Variants in MSMO1 observed in about 807,000 individuals in gnomAD.
MSMO1 encodes C-4 methylsterol oxidase.
A neutral mutation model predicts 30.4 loss-of-function variants in MSMO1; 18 were observed. That is an observed-to-expected ratio of 0.59 (90% CI 0.41 to 0.88). The LOEUF (loss-of-function observed/expected upper bound fraction) is 0.88, where lower values mean the gene tolerates loss of function less well. Ranked by LOEUF, MSMO1 falls within the 40% of genes least tolerant of loss-of-function variation. MSMO1 has a pLI of 0.00. For missense variants in MSMO1, 284 were observed against 340.5 expected (o/e 0.83, Z 1.31); for synonymous variants, 84 against 107.9 (o/e 0.78, Z 1.37).
intron 5 of MSMO1, 39 bp from the exon 6 acceptor site, chr4:165,341,711 TG>T: frequency 6.7e-7 from 1 of 1,503,460 alleles, no homozygotes; most frequent in South Asian, 1.1e-5. Flanking sequence ...TCATTTGAGA[TG>T]TATTTATTCC....
intron 1 of MSMO1, among the ~76,000 whole-genome samples, chr4:165,332,310 A>G (rs1205648731): frequency 5.3e-5 from 8 of 152,212 alleles, no homozygotes; most frequent in African/African-American, 1.9e-4. Context: ...ACATCTTTCT[A>G]TGTAGAGCGT....
At position 165,338,122 on chromosome 4, in the gene MSMO1, T is replaced by G. The variant is rs535194906; in HGVS notation, c.404+185T>G. ...TTCCATTTTTACATCTTTTAAATATTTTATTGGAAGGTGAGCTTCTAGTAT... is the reference window on the plus strand; with the variant it reads ...TTCCATTTTTACATCTTTTAAATATGTTATTGGAAGGTGAGCTTCTAGTAT... On this transcript the variant is annotated intron_variant, in intron 3 of 5. Coordinates refer to ENST00000261507, the MANE Select transcript of MSMO1 (RefSeq NM_006745.5). 2.0e-5 allele frequency among the ~76,000 whole-genome samples: 3 copies of G among 152,250 alleles called. No individual in the cohort carries two copies. In the South Asian group the frequency reaches 6.2e-4, roughly 32 times the overall value.
At chr4:165,338,893 A>G (rs188560110) in intron 4 of MSMO1, 115 bp downstream of exon 4, 1 of 818,976 alleles carries the variant, frequency 1.2e-6, no homozygotes, top group African/African-American at 1.7e-5. Flanking sequence ...CTTTGGCATG[A>G]TTATTAAGAA....
intron 1 of MSMO1, among the ~76,000 whole-genome samples, chr4:165,329,671 G>C (rs1158765284): frequency 4.5e-5 from 5 of 110,702 alleles, no homozygotes; most frequent in African/African-American, 1.5e-4. Context: ...GTCTCACTCT[G>C]TCGCCCAGGC....
chr4:165,331,994 C>T (rs1747406441), intron 1 of MSMO1, among the ~76,000 whole-genome samples: 1 of 151,396 alleles, frequency 6.6e-6, no homozygotes, highest in Non-Finnish European at 1.5e-5. Context: ...TAACACTGTC[C>T]CCTACTCCAC....
Position 165,331,413 on chromosome 4 carries a change from A to G in MSMO1, c.-31-1927A>G. ...GATGGGAAAGGATAAGTGATGGACA[A>G]GTTCTTGAGGTAAGATAAGAACACA... On this transcript the variant is annotated intron_variant, in intron 1 of 5. Transcript: ENST00000261507. Among the ~76,000 whole-genome samples, 2 of 152,216 alleles carry G rather than the reference A, an allele frequency of 1.3e-5. 1 individual carries two copies. Among genetic ancestry groups the G allele is most frequent in the Non-Finnish European group, 2.9e-5 (2 of 68,040 alleles).
Position 165,338,651 on chromosome 4 carries a change from G to A in MSMO1, c.405-1G>A. ...CACATTACAACATTTTTATCTTAAA[G>A]GTATTTTCTTTTGGCAAGATGCTTT... On this transcript the variant is annotated splice_acceptor_variant, in intron 3 of 5. Coordinates refer to ENST00000261507, the MANE Select transcript of MSMO1 (RefSeq NM_006745.5). LOFTEE classifies it high-confidence loss of function. 6.2e-7 allele frequency: 1 copy of A among 1,607,602 alleles called. No homozygotes were observed. The highest frequency in any genetic ancestry group is 8.5e-7 in the Non-Finnish European group (1 of 1,174,430).
chr4:165,328,356 G>A (rs1199553641), intron 1 of MSMO1, among the ~76,000 whole-genome samples: 5 of 152,210 alleles, frequency 3.3e-5, no homozygotes, highest in African/African-American at 1.2e-4. Flanking sequence ...GAAGGGCCTC[G>A]TGTGCATCAA....
intron 3 of MSMO1, among the ~76,000 whole-genome samples, chr4:165,338,345 TACAC>T (rs1560850135): frequency 1.3e-5 from 2 of 150,592 alleles, no homozygotes; most frequent in African/African-American, 4.9e-5. Context: ...CATATATATA[TACAC>T]ACACATATAT....
chr4:165,337,269 A>G (rs1747579413), intron 2 of MSMO1, among the ~76,000 whole-genome samples: 1 of 152,214 alleles, frequency 6.6e-6, no homozygotes, highest in Non-Finnish European at 1.5e-5. Context: ...TGTGAACTCC[A>G]TAATCAGGAC....
Position 165,343,128 on chromosome 4 carries a change from T to TACAGAAATC in MSMO1, c.*1184_*1192dup, listed in dbSNP as rs1255583297. 6 of 152,506 alleles carry TACAGAAATC rather than the reference T, an allele frequency of 3.9e-5. No homozygotes were observed. The South Asian group carries it at 1.2e-3, about 32-fold the overall frequency. 9.4% of individuals were successfully genotyped at this position (152,506 alleles called of 1,614,324 possible). ...CACCTTTTATTCTTAAACTTGAAAG[T>TACAGAAATC]ACAGAAATCATTAAATTATTAAGTT... On this transcript the variant is annotated 3_prime_UTR_variant, in exon 6 of 6. Coordinates refer to ENST00000261507, the MANE Select transcript of MSMO1 (RefSeq NM_006745.5).
At chr4:165,329,624 G>GTTTTTTT (rs1200715204) in intron 1 of MSMO1, among the ~76,000 whole-genome samples, 4 of 86,130 alleles carry the variant, frequency 4.6e-5, no homozygotes, top group Non-Finnish European at 9.7e-5. Flanking sequence ...GATCCATAGC[G>GTTTTTTT]ATTTTTTTTT....
At chr4:165,333,272 AT>A in intron 1 of MSMO1, 67 bp from the exon 2 acceptor site, 3 of 1,345,132 alleles carry the variant, frequency 2.2e-6, no homozygotes, top group Admixed American at 2.1e-5. Flanking sequence ...CAGAGGATGC[AT>A]TTTTTAACTG....
intron 1 of MSMO1, among the ~76,000 whole-genome samples, chr4:165,332,731 T>G (rs1747433864): frequency 1.3e-5 from 2 of 152,220 alleles, no homozygotes; most frequent in African/African-American, 4.8e-5. Context: ...AGATTCTTCC[T>G]TGTTTAGTGA....
chr4:165,338,146 A>G (rs1747609981), intron 3 of MSMO1, among the ~76,000 whole-genome samples: 2 of 152,116 alleles, frequency 1.3e-5, no homozygotes, highest in Admixed American at 1.3e-4. Flanking sequence ...AGCTTCTAGT[A>G]TCAGAAGTTT....
rs757518565 is a variant in MSMO1, at chr4:165,340,372, A to G, written c.683A>G (p.His228Arg). ...CGTTTATTAGAAACTATTGATGTCC[A>G]TAGGTGAGTATTAATTTCTGTTCAG... ...TIRLLETIDV[H>R]SGYDIPLNPL... The change falls in exon 5 of 6, where the codon CAT becomes CGT. Residue 228 changes from histidine to arginine, a missense_variant. Coordinates refer to ENST00000261507, the MANE Select transcript of MSMO1 (RefSeq NM_006745.5). 4.3e-6 allele frequency: 7 copies of G among 1,611,560 alleles called. No homozygotes were observed. The highest frequency in any genetic ancestry group is 2.7e-5 in the African/African-American group (2 of 74,900).
intron 5 of MSMO1, 54 bp from the exon 6 acceptor site, chr4:165,341,697 A>G (rs1017558308): frequency 4.7e-5 from 70 of 1,477,884 alleles, no homozygotes; most frequent in African/African-American, 2.8e-5. Flanking sequence ...AATAAAAACA[A>G]CAATCATTTG....
intron 5 of MSMO1, 39 bp downstream of exon 5, chr4:165,340,414 A>G (rs1747685399): frequency 6.5e-7 from 1 of 1,531,460 alleles, no homozygotes; most frequent in Non-Finnish European, 9.0e-7. Context: ...AGCATAATGA[A>G]ATATATTTAT....
At chr4:165,337,543 C>A (rs927458210) in intron 2 of MSMO1, among the ~76,000 whole-genome samples, 1 of 152,200 alleles carries the variant, frequency 6.6e-6, no homozygotes, top group South Asian at 2.1e-4. Context: ...GAGAATTATT[C>A]ATTCCATAGT....
Sources: allele counts gnomAD v4.1 joint callset (sites outside exome capture counted in the v4.1 genomes callset), GRCh38; gene constraint gnomAD v4.1.1; transcripts MANE v1.5; gene names NCBI Gene and HGNC (gene_info 2026-07-23, HGNC 2026-07-21).